Variants in HIVEP2 observed in about 807,000 individuals in gnomAD.
HIVEP2 encodes transcription factor HIVEP2.
A neutral mutation model predicts 180.7 loss-of-function variants in HIVEP2; 14 were observed. The ratio of observed to expected loss-of-function variants is 0.08; its 90% CI spans 0.05 to 0.12. HIVEP2 has a LOEUF of 0.12. Ranked by LOEUF, HIVEP2 falls within the 10% of genes least tolerant of loss-of-function variation. The probability of loss-of-function intolerance (pLI) is 1.00; values close to 1 mark genes in which losing one functional copy is unlikely to be tolerated. For missense variants in HIVEP2, 2,579 were observed against 3,008.5 expected, an observed-to-expected ratio of 0.86 and a Z score of 3.34; for synonymous variants, 1,184 against 1,136.4, an observed-to-expected ratio of 1.04 and a Z score of -0.84.
chr6:142,879,902 G>A (rs1302563752), intron 1 of HIVEP2, among the ~76,000 whole-genome samples: 1 of 152,064 alleles, frequency 6.6e-6, no homozygotes, highest in Non-Finnish European at 1.5e-5. Context: ...CATGATCTCT[G>A]ACTTCCAATG....
intron 1 of HIVEP2, among the ~76,000 whole-genome samples, chr6:142,906,875 T>C (rs1316978312): frequency 6.6e-6 from 1 of 152,228 alleles, no homozygotes; most frequent in Non-Finnish European, 1.5e-5. Context: ...GCCTATAAGA[T>C]AGTTATGCAT....
At chr6:142,850,485 T>C (rs1434927177) in intron 1 of HIVEP2, among the ~76,000 whole-genome samples, 3 of 152,170 alleles carry the variant, frequency 2.0e-5, no homozygotes, top group African/African-American at 7.2e-5. Context: ...AAGATAAACT[T>C]TGACCATATA....
intron 2 of HIVEP2, among the ~76,000 whole-genome samples, chr6:142,836,181 G>T (rs1414210054): frequency 1.3e-5 from 2 of 151,998 alleles, no homozygotes; most frequent in African/African-American, 4.8e-5. Context: ...TGTGTAAAGG[G>T]TTAATTAAAG....
intron 1 of HIVEP2, among the ~76,000 whole-genome samples, chr6:142,938,672 A>G (rs908673919): frequency 2.0e-5 from 3 of 152,370 alleles, no homozygotes; most frequent in African/African-American, 7.2e-5. Context: ...AATCAAATAC[A>G]AACGAAGGTG....
chr6:142,937,773 TC>T (rs1169015256), intron 1 of HIVEP2, among the ~76,000 whole-genome samples: 1 of 152,152 alleles, frequency 6.6e-6, no homozygotes, highest in Non-Finnish European at 1.5e-5. Context: ...TAGCAAAGCA[TC>T]CCCACAAAAA....
intron 1 of HIVEP2, among the ~76,000 whole-genome samples, chr6:142,937,571 C>T (rs1047809213): frequency 3.3e-5 from 5 of 152,110 alleles, no homozygotes; most frequent in African/African-American, 4.8e-5. Context: ...TTCTTAATCC[C>T]GTGGGCTACC....
chr6:142,896,388 T>G (rs1776993855), intron 1 of HIVEP2, among the ~76,000 whole-genome samples: 1 of 152,184 alleles, frequency 6.6e-6, no homozygotes, highest in Admixed American at 6.5e-5. Context: ...TACCTTGTCC[T>G]TCATACCCAT....
At chr6:142,931,911 C>G (rs1777951132) in intron 1 of HIVEP2, among the ~76,000 whole-genome samples, 1 of 152,136 alleles carries the variant, frequency 6.6e-6, no homozygotes, top group African/African-American at 2.4e-5. Flanking sequence ...ACTTTCTCAC[C>G]AACATTTACT....
Position 142,769,968 on chromosome 6 carries a change from C to T in HIVEP2, c.4771G>A (p.Asp1591Asn), listed in dbSNP as rs1775481013. ...SPQSSSLPAG[D>N]GQLEEEGKGH... The stretch of plus-strand genomic sequence containing the variant: ...TTCCCTTCCTCTTCCAGCTGACCAT[C>T]TCCTGCTGGTAATGAAGAACTCTGT... Residue 1591 changes from aspartate to asparagine, a missense_variant, in exon 5 of 10, where the codon GAT becomes AAT. By Grantham distance (23) the Asp-to-Asn change is conservative. Transcript: ENST00000367603. 6.2e-7 allele frequency: 1 copy of T among 1,614,102 alleles called. No homozygotes were observed. Among genetic ancestry groups the T allele is most frequent in the East Asian group, 2.2e-5 (1 of 44,890 alleles).
chr6:142,753,501 T>C lies in HIVEP2; in HGVS notation c.6947A>G (p.Asn2316Ser). The C allele has an allele frequency of 6.2e-7, 1 of 1,614,100 alleles. No individual in the cohort carries two copies. ...TTCCTCCTGTTCCCGCTCTGTTGCG[T>C]TTAGGCTGTCTTCCGAAGTGCTCTG... ...MKQSTSEDSLNATEREQEENI... is the reference protein window; with the variant it reads ...MKQSTSEDSLSATEREQEENI... The change falls in exon 10 of 10, where the codon AAC (asparagine) becomes AGC (serine). Residue 2316 changes from asparagine (N) to serine (S), a missense_variant. Transcript: ENST00000367603.
intron 1 of HIVEP2, among the ~76,000 whole-genome samples, chr6:142,894,295 C>A (rs946168908): frequency 6.6e-6 from 1 of 152,148 alleles, no homozygotes; most frequent in Non-Finnish European, 1.5e-5. Context: ...CAGGTACTAT[C>A]TTTTACTTGT....
At chr6:142,864,980 C>T (rs1582924288) in intron 1 of HIVEP2, among the ~76,000 whole-genome samples, 1 of 152,192 alleles carries the variant, frequency 6.6e-6, no homozygotes, top group East Asian at 1.9e-4. Flanking sequence ...CCTATATGTG[C>T]TAGCACTTAG....
chr6:142,799,181 A>G (rs1776349261), intron 2 of HIVEP2, among the ~76,000 whole-genome samples: 1 of 152,220 alleles, frequency 6.6e-6, no homozygotes, highest in Admixed American at 6.5e-5. Flanking sequence ...CTGAAAAGGC[A>G]AACTGTTCTT....
Position 142,753,009 on chromosome 6 carries a change from A to G in HIVEP2, c.*98T>C, listed in dbSNP as rs552089515. 5.5e-6 allele frequency: 4 copies of G among 731,240 alleles called. No individual in the cohort carries two copies. Among genetic ancestry groups the G allele is most frequent in the Non-Finnish European group, 9.7e-6 (4 of 412,366 alleles). 45.3% of individuals were successfully genotyped at this position (731,240 alleles called of 1,614,324 possible). A position where few individuals can be genotyped will look rare whatever the true frequency, so the allele number is the denominator to read the frequency against. On this transcript the variant is annotated 3_prime_UTR_variant, in exon 10 of 10. Coordinates refer to ENST00000367603, the MANE Select transcript of HIVEP2 (RefSeq NM_006734.4). ...ATATAATAGCAAACTACTGTAACTT[A>G]GGACAGGCATGCTATAAACTGGATT...
intron 2 of HIVEP2, among the ~76,000 whole-genome samples, chr6:142,797,995 G>C (rs1363690076): frequency 6.6e-6 from 1 of 151,984 alleles, no homozygotes; most frequent in African/African-American, 2.4e-5. Flanking sequence ...ATTCTGACTT[G>C]GGCTTCTAGG....
chr6:142,923,988 T>G (rs949109488), intron 1 of HIVEP2, among the ~76,000 whole-genome samples: 2 of 152,200 alleles, frequency 1.3e-5, no homozygotes, highest in Non-Finnish European at 2.9e-5. Flanking sequence ...CAAATTCAAG[T>G]GGGCCTCTCT....
At chr6:142,783,153 C>T (rs1775897227) in intron 3 of HIVEP2, among the ~76,000 whole-genome samples, 2 of 151,794 alleles carry the variant, frequency 1.3e-5, no homozygotes, top group Non-Finnish European at 2.9e-5. Flanking sequence ...CATGGTGAAA[C>T]CCTGTCTCTA....
intron 2 of HIVEP2, among the ~76,000 whole-genome samples, chr6:142,805,735 C>T (rs961230056): frequency 2.6e-5 from 4 of 152,114 alleles, no homozygotes; most frequent in African/African-American, 4.8e-5. Flanking sequence ...GCTCTTCAGA[C>T]TGCACATAGA....
In HIVEP2 at chr6:142,753,255, C is replaced by T. The variant is rs759614161; in HGVS notation, c.7193G>A (p.Gly2398Asp). The T allele has an allele frequency of 1.2e-6, 2 of 1,614,164 alleles. No homozygotes were observed. Among genetic ancestry groups the T allele is most frequent in the Non-Finnish European group, 1.7e-6 (2 of 1,180,030 alleles). The change falls in exon 10 of 10, where the codon GGT becomes GAT. Residue 2398 changes from glycine to aspartate, a missense_variant. Physicochemically the swap from Gly to Asp is moderately conservative, Grantham distance 94 (BLOSUM62 -1). Coordinates refer to ENST00000367603, the MANE Select transcript of HIVEP2 (RefSeq NM_006734.4). ...DLHDGEKDNFGTSQTPLAHST... is the reference protein window; with the variant it reads ...DLHDGEKDNFDTSQTPLAHST... Reference sequence around the variant, plus strand: ...GTGAGCTAATGGAGTCTGTGATGTACCAAAATTGTCCTTTTCACCATCATG... The same window carrying T: ...GTGAGCTAATGGAGTCTGTGATGTATCAAAATTGTCCTTTTCACCATCATG...
Sources: allele counts gnomAD v4.1 joint callset (sites outside exome capture counted in the v4.1 genomes callset), GRCh38; gene constraint gnomAD v4.1.1; transcripts MANE v1.5; gene names NCBI Gene and HGNC (gene_info 2026-07-23, HGNC 2026-07-21).